NIPAL3: variants seen among roughly 807,000 people sequenced by gnomAD.
The protein encoded by NIPAL3 is NIPA-like protein 3.
NIPAL3 carries 41 observed loss-of-function variants against 47.2 expected under a neutral mutation model. The observed-to-expected ratio is 0.87, with a 90% CI of 0.68 to 1.13. NIPAL3 has a LOEUF of 1.13. Among genes scored for constraint, NIPAL3 ranks in the 50% most tolerant of loss-of-function variants. The pLI, the probability that NIPAL3 is intolerant of heterozygous loss-of-function variation, is 0.00. For missense variants in NIPAL3, 449 were observed against 530.1 expected (o/e 0.85, Z 1.50); for synonymous variants, 194 against 209.6 (o/e 0.93, Z 0.64).
In NIPAL3 at chr1:24,445,258, T is replaced by C. The variant is rs534022144; in HGVS notation, c.394+14T>C. 3.5e-5 allele frequency: 56 copies of C among 1,581,362 alleles called. No individual in the cohort carries two copies. The South Asian group carries it at 6.1e-4, about 17-fold the overall frequency. On this transcript the variant is annotated intron_variant, in intron 5 of 11. Transcript: ENST00000374399. ...AAGACTTTCTGAGTAAGTTCAGTGA[T>C]TTGAGCTGTGTCCTTGATTTTATAT...
chr1:24,468,314 C>CAATA (rs71032817), intron 11 of NIPAL3, among the ~76,000 whole-genome samples: 3,708 of 151,830 alleles, frequency 0.024, 115 homozygotes, highest in African/African-American at 0.068. Context: ...GACCCTGTCT[C>CAATA]AATAAATAAA....
At chr1:24,435,854 A>G (rs1645078309) in intron 2 of NIPAL3, among the ~76,000 whole-genome samples, 1 of 152,210 alleles carries the variant, frequency 6.6e-6, no homozygotes, top group Non-Finnish European at 1.5e-5. Context: ...ACAAAATACC[A>G]TAAACTGAGT....
intron 1 of NIPAL3, among the ~76,000 whole-genome samples, chr1:24,417,731 G>C (rs1644125274): frequency 6.6e-6 from 1 of 152,200 alleles, no homozygotes; most frequent in Non-Finnish European, 1.5e-5. Flanking sequence ...TGCATTTGTT[G>C]TATCCCAGGA....
At chr1:24,430,910 G>C (rs925834086) in intron 2 of NIPAL3, among the ~76,000 whole-genome samples, 2 of 152,150 alleles carry the variant, frequency 1.3e-5, no homozygotes, top group African/African-American at 2.4e-5. Context: ...TAATGTATAA[G>C]TATTTGTACA....
chr1:24,445,116 CATGGGTGAAGGG>C (rs1220722264), intron 4 of NIPAL3, 57 bp from the exon 5 acceptor site: 1 of 1,060,742 alleles, frequency 9.4e-7, no homozygotes, highest in East Asian at 2.4e-5. Context: ...ACCCAGAGGG[CATGGGTGAAGGG>C]ATGCCCTTTA....
At chr1:24,463,953 T>G in intron 10 of NIPAL3, 73 bp from the exon 11 acceptor site, 19 of 1,304,268 alleles carry the variant, frequency 1.5e-5, no homozygotes, top group Non-Finnish European at 1.9e-5. Context: ...TTCCATCACC[T>G]GAGCCTGAAA....
intron 4 of NIPAL3, 146 bp downstream of exon 4, chr1:24,442,372 G>A (rs1645439499): frequency 3.9e-6 from 3 of 772,154 alleles, no homozygotes; most frequent in Non-Finnish European, 6.0e-6. Flanking sequence ...AGACACACCA[G>A]GCCCTGTAAG....
At position 24,419,471 on chromosome 1, in the gene NIPAL3, G is replaced by A. The variant is rs1188978279; in HGVS notation, c.-77G>A. The A allele has an allele frequency of 6.9e-7, 1 of 1,454,910 alleles. No individual in the cohort carries two copies. Among genetic ancestry groups the A allele is most frequent in the Non-Finnish European group, 9.1e-7 (1 of 1,100,036 alleles). The allele number at this position is 1,454,910 out of a possible 1,614,324, so 90.1% of individuals were successfully genotyped here. On this transcript the variant is annotated 5_prime_UTR_variant, in exon 2 of 12. The change abolishes an upstream ATG in the 5' untranslated region. Transcript: ENST00000374399. ...GGAGGTGAACACCACAAGGAGAGATGGCATCTGGCCTGGGCCCCGCCTAGC... is the reference window on the plus strand; with the variant it reads ...GGAGGTGAACACCACAAGGAGAGATAGCATCTGGCCTGGGCCCCGCCTAGC...
chr1:24,449,768 A>C lies in NIPAL3; in HGVS notation c.540+142A>C. The C allele has an allele frequency of 1.2e-6, 1 of 842,340 alleles. No individual in the cohort carries two copies. The highest frequency in any genetic ancestry group is 2.7e-5 in the East Asian group (1 of 36,790). 52.2% of individuals were successfully genotyped at this position (842,340 alleles called of 1,614,324 possible). ...AGCATGAAAGACCGTGCTTCTGGAG[A>C]GTACACAGCTCATGGCGAAATGCTT... On this transcript the variant is annotated intron_variant, in intron 6 of 11. Coordinates refer to ENST00000374399, the MANE Select transcript of NIPAL3 (RefSeq NM_020448.5). The surrounding 1 kb of genome is among the most constrained non-coding windows in gnomAD (Gnocchi z 4.5).
At chr1:24,441,253 A>T (rs925148338) in intron 3 of NIPAL3, among the ~76,000 whole-genome samples, 1 of 152,124 alleles carries the variant, frequency 6.6e-6, no homozygotes. Flanking sequence ...TACTCTATGC[A>T]TCTCAGCTCT....
chr1:24,433,968 C>A (rs1327209056), intron 2 of NIPAL3, among the ~76,000 whole-genome samples: 1 of 151,878 alleles, frequency 6.6e-6, no homozygotes, highest in African/African-American at 2.4e-5. Context: ...AAATAAATGA[C>A]AAGGGAATTA....
chr1:24,456,663 T>G (rs1161353816), intron 8 of NIPAL3, among the ~76,000 whole-genome samples: 3 of 152,148 alleles, frequency 2.0e-5, no homozygotes, highest in Admixed American at 2.0e-4. Flanking sequence ...CTCAGGAAGC[T>G]GAGACACAGA....
rs141151053 is a variant in NIPAL3 at position 24,449,522 on chromosome 1, G to A, written c.436G>A (p.Val146Met). Residue 146 changes from valine (V) to methionine (M), a missense_variant, in exon 6 of 12, where the codon GTG becomes ATG. Coordinates refer to ENST00000374399, the MANE Select transcript of NIPAL3 (RefSeq NM_020448.5). The surrounding 1 kb of genome is among the most constrained non-coding windows in gnomAD (Gnocchi z 4.5). ...CTTTGTTGGCTGCGGTTTGGCTGTC[G>A]TGGGTACCTACCTGCTGGTGACATT... ...LSFVGCGLAV[V>M]GTYLLVTFAP... 5.1e-5 allele frequency: 83 copies of A among 1,613,990 alleles called. 1 individual carries two copies. The Admixed American group carries it at 8.3e-4, about 16-fold the overall frequency.
chr1:24,452,774 G>A (rs1306083132), intron 6 of NIPAL3, among the ~76,000 whole-genome samples: 2 of 151,808 alleles, frequency 1.3e-5, no homozygotes, highest in African/African-American at 2.4e-5. Context: ...ATGGAGTGCA[G>A]TGGCGTGATC....
rs151048434 is a variant in NIPAL3 at position 24,457,536 on chromosome 1, T to C, written c.773+1263T>C. Among the ~76,000 whole-genome samples, 1,216 of 152,320 alleles carry C rather than the reference T, an allele frequency of 8.0e-3. 5 individuals carry two copies. The highest frequency in any genetic ancestry group is 0.013 in the Admixed American group (201 of 15,304). ...TGGCCCGGTGTGAGCCCAGCTCTTTTCTCAGTGCTTTATGGAACCAGCTCA... is the reference window on the plus strand; with the variant it reads ...TGGCCCGGTGTGAGCCCAGCTCTTTCCTCAGTGCTTTATGGAACCAGCTCA... On this transcript the variant is annotated intron_variant, in intron 8 of 11. Transcript: ENST00000374399.
chr1:24,472,658 T>C lies in NIPAL3; in HGVS notation c.*3473T>C, dbSNP rs1031360800. 2 of 152,140 alleles carry C rather than the reference T, an allele frequency of 1.3e-5. No individual in the cohort carries two copies. Among genetic ancestry groups the C allele is most frequent in the Non-Finnish European group, 2.9e-5 (2 of 68,028 alleles). The allele number at this position is 152,140 out of a possible 1,614,324, so 9.4% of individuals were successfully genotyped here. ...TAAAGAAGGGAGAGCTGACTCTCCATTGCTTTTCTAGTGGAAACCAGCCAG... is the reference window on the plus strand; with the variant it reads ...TAAAGAAGGGAGAGCTGACTCTCCACTGCTTTTCTAGTGGAAACCAGCCAG... On this transcript the variant is annotated 3_prime_UTR_variant, in exon 12 of 12. Coordinates refer to ENST00000374399, the MANE Select transcript of NIPAL3 (RefSeq NM_020448.5).
At chr1:24,421,893 C>G (rs998952757) in intron 2 of NIPAL3, 1 of 152,196 alleles carries the variant, frequency 6.6e-6, no homozygotes, top group African/African-American at 2.4e-5. Flanking sequence ...AGAATTTAAA[C>G]CCGGGTCAGA....
chr1:24,449,549 G>T lies in NIPAL3; in HGVS notation c.463G>T (p.Ala155Ser). ...GGGTACCTACCTGCTGGTGACATTC[G>T]CACCCAACAGTCACGAGAAGATGAC... ...VVGTYLLVTF[A>S]PNSHEKMTGE... Residue 155 changes from alanine to serine, a missense_variant, in exon 6 of 12, where the codon GCA becomes TCA. Physicochemically the swap from Ala to Ser is moderately conservative, Grantham distance 99. Transcript: ENST00000374399. This position sits in a 1 kb window ranked among gnomAD's most constrained non-coding sequence, Gnocchi z 4.5. 1.2e-6 allele frequency: 2 copies of T among 1,613,972 alleles called. No individual in the cohort carries two copies. Among genetic ancestry groups the T allele is most frequent in the South Asian group, 2.2e-5 (2 of 91,070 alleles).
chr1:24,415,863 T>A lies in NIPAL3; in HGVS notation c.-299T>A, dbSNP rs2148728601. The A allele has an allele frequency of 1.0e-6, 1 of 985,510 alleles. No homozygotes were observed. The allele number at this position is 985,510 out of a possible 1,614,324, so 61.0% of individuals were successfully genotyped here. ...TTGCACGAAGAGTCCGAGTCATTTCTCAGAAGGTTTTGATAGGTGGGCCTT... is the reference window on the plus strand; with the variant it reads ...TTGCACGAAGAGTCCGAGTCATTTCACAGAAGGTTTTGATAGGTGGGCCTT... On this transcript the variant is annotated 5_prime_UTR_variant, in exon 1 of 12. Coordinates refer to ENST00000374399, the MANE Select transcript of NIPAL3 (RefSeq NM_020448.5).
Sources: allele counts gnomAD v4.1 joint callset (sites outside exome capture counted in the v4.1 genomes callset), GRCh38; gene constraint gnomAD v4.1.1; non-coding constraint Gnocchi (gnomAD v3.1); transcripts MANE v1.5; gene names NCBI Gene and HGNC (gene_info 2026-07-23, HGNC 2026-07-21).